Variants in MROH2A observed in about 807,000 individuals in gnomAD.
The protein encoded by MROH2A is maestro heat like repeat family member 2A, also known as maestro heat-like repeat-containing protein family member 2A.
A neutral mutation model predicts 200.4 loss-of-function variants in MROH2A; 174 were observed. That is an observed-to-expected ratio of 0.87 (90% CI 0.77 to 0.98). The LOEUF (loss-of-function observed/expected upper bound fraction) is 0.98, where lower values mean the gene tolerates loss of function less well. Ranked by LOEUF, MROH2A falls within the 50% of genes least tolerant of loss-of-function variation. The probability of loss-of-function intolerance (pLI) is 0.00; values close to 1 mark genes in which losing one functional copy is unlikely to be tolerated. For synonymous variants in MROH2A, 829 were observed against 840.4 expected (o/e 0.99, Z 0.23); for missense variants, 2,045 against 2,139.6 (o/e 0.96, Z 0.87).
intron 14 of MROH2A, among the ~76,000 whole-genome samples, chr2:233,801,213 G>C (rs1245477046): frequency 6.6e-6 from 1 of 152,128 alleles, no homozygotes; most frequent in Non-Finnish European, 1.5e-5. Context: ...CTGTCTTTAT[G>C]GGGAAGCCCA....
intron 21 of MROH2A, 74 bp from the exon 22 acceptor site, chr2:233,809,052 G>A (rs1702985345): frequency 6.8e-7 from 1 of 1,478,256 alleles, no homozygotes; most frequent in South Asian, 1.3e-5. Context: ...TTGGTTGTGT[G>A]GCCAGAGACC....
rs189388395 is a variant in MROH2A at position 233,833,412 on chromosome 2, C to T, written c.*153C>T. 10 of 865,242 alleles carry T rather than the reference C, an allele frequency of 1.2e-5. No individual in the cohort carries two copies. The African/African-American group carries it at 1.2e-4, about 11-fold the overall frequency. 53.6% of individuals were successfully genotyped at this position (865,242 alleles called of 1,614,324 possible). A position where few individuals can be genotyped will look rare whatever the true frequency, so the allele number is the denominator to read the frequency against. On this transcript the variant is annotated 3_prime_UTR_variant, in exon 42 of 42. Coordinates refer to ENST00000389758, the MANE Select transcript of MROH2A (RefSeq NM_001394639.1). ...TTCCGTTGAAATAAACCTCCACTGT[C>T]GTTGGAGTAGACTTGTGACTGTAAG...
chr2:233,820,416 G>T lies in MROH2A; in HGVS notation c.3512+360G>T, dbSNP rs1703860014. On this transcript the variant is annotated intron_variant, in intron 31 of 41. Coordinates refer to ENST00000389758, the MANE Select transcript of MROH2A (RefSeq NM_001394639.1). This position sits in a 1 kb window ranked among gnomAD's most constrained non-coding sequence, Gnocchi z 4.1. Reference sequence around the variant, plus strand: ...GGCTCCAAGGCATGAGCAAGCCCTGGATATATTCCAGGCTGTCCCTATTTC... The same window carrying T: ...GGCTCCAAGGCATGAGCAAGCCCTGTATATATTCCAGGCTGTCCCTATTTC... 6.6e-6 allele frequency among the ~76,000 whole-genome samples: 1 copy of T among 152,172 alleles called. No homozygotes were observed. The highest frequency in any genetic ancestry group is 1.5e-5 in the Non-Finnish European group (1 of 68,026).
In MROH2A at chr2:233,779,439, A is replaced by T; in HGVS notation, c.81A>T (p.Glu27Asp). Residue 27 changes from glutamate to aspartate, a missense_variant, in exon 2 of 42, where the codon GAA (glutamate) becomes GAT (aspartate). Glu to Asp is a conservative substitution (Grantham distance 45). Coordinates refer to ENST00000389758, the MANE Select transcript of MROH2A (RefSeq NM_001394639.1). The stretch of plus-strand genomic sequence containing the variant: ...AAAGAGACGACCTGGGGCCTCTTGA[A>T]TTACATGACAGTGGTAAGAATGTCA... Reference protein sequence around the residue: ...SEERDDLGPLELHDSGTFQQV... With the variant: ...SEERDDLGPLDLHDSGTFQQV... The T allele has an allele frequency of 6.5e-7, 1 of 1,549,022 alleles. No homozygotes were observed. Among genetic ancestry groups the T allele is most frequent in the Non-Finnish European group, 8.7e-7 (1 of 1,145,690 alleles).
At chr2:233,795,113 A>AG (rs1702020736) in intron 8 of MROH2A, among the ~76,000 whole-genome samples, 1 of 152,180 alleles carries the variant, frequency 6.6e-6, no homozygotes, top group African/African-American at 2.4e-5. Flanking sequence ...CCCTATTTCC[A>AG]AATAAGGTCA....
In MROH2A at chr2:233,779,723, A is replaced by G. The variant is rs1700844728; in HGVS notation, c.147A>G (p.Ala49=). Residue 49 remains alanine, a synonymous_variant, in exon 3 of 42, where the codon GCA becomes GCG. Coordinates refer to ENST00000389758, the MANE Select transcript of MROH2A (RefSeq NM_001394639.1). ...NLLDIIDSES[A]KTDTTGAGLD... ...TGGACATCATTGACAGCGAGTCAGC[A>G]AAGACGGACACAACAGGGGCAGGCC... is the stretch of plus-strand genomic sequence containing the variant. The G allele has an allele frequency of 1.2e-5, 19 of 1,551,192 alleles. No individual in the cohort carries two copies. Among genetic ancestry groups the G allele is most frequent in the Non-Finnish European group, 1.6e-5 (18 of 1,147,124 alleles).
intron 41 of MROH2A, 73 bp downstream of exon 41, chr2:233,832,717 T>G: frequency 2.9e-6 from 2 of 681,102 alleles, no homozygotes; most frequent in Non-Finnish European, 2.4e-6. Flanking sequence ...AGAAACTGCT[T>G]CAAGGGAAGA....
At chr2:233,776,520 C>T (rs552625941), upstream of MROH2A, among the ~76,000 whole-genome samples, 1 of 151,954 alleles carries the variant, frequency 6.6e-6, no homozygotes, top group Admixed American at 6.6e-5. Context: ...CCCCACCACA[C>T]CCGGCTAATT....
In MROH2A at chr2:233,831,452, G is replaced by A. The variant is rs1324589459; in HGVS notation, c.4646G>A (p.Trp1549Ter). Residue 1549 changes from tryptophan to a stop codon, truncating the protein, a stop_gained, in exon 39 of 42, where the codon TGG (tryptophan) becomes TAG (stop). Coordinates refer to ENST00000389758, the MANE Select transcript of MROH2A (RefSeq NM_001394639.1). LOFTEE classifies it high-confidence loss of function. ...TMFQCVHFWG[W>*]KSLEHPSGPS... is the part of the protein sequence containing the mutation. ...TTTCAGTGTGTGCACTTCTGGGGCT[G>A]GAAGTCCCTGGAGCATCCCTCAGGG... 6.4e-7 allele frequency: 1 copy of A among 1,550,428 alleles called. No homozygotes were observed. Among genetic ancestry groups the A allele is most frequent in the Non-Finnish European group, 8.7e-7 (1 of 1,146,984 alleles).
chr2:233,803,849 G>T (rs764105322), intron 16 of MROH2A, among the ~76,000 whole-genome samples: 2 of 152,148 alleles, frequency 1.3e-5, no homozygotes, highest in Admixed American at 6.5e-5. Flanking sequence ...ACTGAAGCCT[G>T]GGGTGGGGAG....
chr2:233,819,568 G>A, intron 30 of MROH2A, 99 bp downstream of exon 30: 1 of 1,264,218 alleles, frequency 7.9e-7, no homozygotes, highest in South Asian at 1.5e-5. Flanking sequence ...CACTCGCTGA[G>A]AATGCCTCCC....
chr2:233,802,921 G>A (rs1231911265), intron 15 of MROH2A, among the ~76,000 whole-genome samples: 1 of 152,212 alleles, frequency 6.6e-6, no homozygotes, highest in Non-Finnish European at 1.5e-5. Context: ...AATCCTCTGA[G>A]GTCTTCCTCA....
Position 233,787,596 on chromosome 2 carries a change from T to TATATATCATATATACATATATATTA in MROH2A, c.277-1901_277-1900insATATATCATATATACATATATATTA, listed in dbSNP as rs1286025940. Among the ~76,000 whole-genome samples, 319 of 32,704 alleles carry TATATATCATATATACATATATATTA rather than the reference T, an allele frequency of 9.8e-3. 50 individuals carry two copies. The highest frequency in any genetic ancestry group is 0.015 in the East Asian group (13 of 864). The allele number at this position is 32,704 out of a possible 152,430, so 21.5% of individuals were successfully genotyped here. A position where few individuals can be genotyped will look rare whatever the true frequency, so the allele number is the denominator to read the frequency against. On this transcript the variant is annotated intron_variant, in intron 3 of 41. Coordinates refer to ENST00000389758, the MANE Select transcript of MROH2A (RefSeq NM_001394639.1). The stretch of plus-strand genomic sequence containing the variant: ...TATATATCATATATACATATATATA[T>TATATATCATATATACATATATATTA]TATATATTATATATATCATATATAC...
chr2:233,787,356 TG>T (rs1559434802), intron 3 of MROH2A, among the ~76,000 whole-genome samples: 1 of 149,162 alleles, frequency 6.7e-6, no homozygotes, highest in Non-Finnish European at 1.5e-5. Context: ...AACTAGTTCT[TG>T]GGGGACAAAG....
At chr2:233,814,977 C>G (rs1258359257) in intron 26 of MROH2A, among the ~76,000 whole-genome samples, 1 of 152,214 alleles carries the variant, frequency 6.6e-6, no homozygotes, top group Non-Finnish European at 1.5e-5. Flanking sequence ...TAACAGTACT[C>G]TCTTATATAA....
rs554748658 is a variant in MROH2A, at chr2:233,789,557, G to C, written c.337G>C (p.Gly113Arg). The C allele has an allele frequency of 6.0e-6, 9 of 1,492,106 alleles. No individual in the cohort carries two copies. Among genetic ancestry groups the C allele is most frequent in the East Asian group, 2.5e-5 (1 of 39,980 alleles). The allele number at this position is 1,492,106 out of a possible 1,614,324, so 92.4% of individuals were successfully genotyped here. A position where few individuals can be genotyped will look rare whatever the true frequency, so the allele number is the denominator to read the frequency against. The change falls in exon 4 of 42, where the codon GGG (glycine) becomes CGG (arginine). Residue 113 changes from glycine (G) to arginine (R), a missense_variant. Gly to Arg is a moderately radical substitution (Grantham distance 125, BLOSUM62 -2). Coordinates refer to ENST00000389758, the MANE Select transcript of MROH2A (RefSeq NM_001394639.1). ...NILQDIIQQE[G>R]ELEEQCVQRL... ...CCTCCAGGACATCATCCAGCAGGAG[G>C]GGGAGCTGGAGGAGCAGTGCGTGCA...
intron 11 of MROH2A, among the ~76,000 whole-genome samples, chr2:233,797,739 C>T (rs984284828): frequency 7.2e-5 from 11 of 152,142 alleles, no homozygotes; most frequent in Non-Finnish European, 1.2e-4. Context: ...CCCCTTTCCC[C>T]CAACCCTCTA....
chr2:233,798,542 C>T (rs1702258012), intron 11 of MROH2A, among the ~76,000 whole-genome samples: 1 of 152,184 alleles, frequency 6.6e-6, no homozygotes, highest in Non-Finnish European at 1.5e-5. Context: ...AAGGCGAGTT[C>T]ACCTGGGTTC....
intron 27 of MROH2A, 112 bp downstream of exon 27, chr2:233,816,997 A>G: frequency 1.5e-6 from 1 of 676,244 alleles, no homozygotes. Context: ...CTGTCCCCAG[A>G]GGGCCCCTTG....
Sources: gnomAD v4.1 joint callset for allele counts (sites outside exome capture counted in the v4.1 genomes callset) on GRCh38, gnomAD v4.1.1 for gene constraint, Gnocchi (gnomAD v3.1) non-coding constraint, MANE v1.5 for transcripts, NCBI Gene and HGNC (gene_info 2026-07-23, HGNC 2026-07-21) for gene names.